The following AMN variants were observed in gnomAD, a reference collection of about 807,000 sequenced individuals.
AMN encodes the protein protein amnionless.
In AMN, 40 loss-of-function variants were observed where a neutral mutation model predicts 49.1. The ratio of observed to expected loss-of-function variants is 0.81; its 90% CI spans 0.63 to 1.06. The LOEUF (loss-of-function observed/expected upper bound fraction) is 1.06, where lower values mean the gene tolerates loss of function less well. Among genes scored for constraint, AMN ranks in the 50% least tolerant of loss-of-function variants. The probability of loss-of-function intolerance (pLI) is 0.00; values close to 1 mark genes in which losing one functional copy is unlikely to be tolerated. For synonymous variants in AMN, 380 were observed against 313.3 expected (o/e 1.21, Z -2.25); for missense variants, 701 against 662.8 (o/e 1.06, Z -0.63).
rs533245959 is a variant in AMN, at chr14:102,923,594, T to C, written c.44-117T>C. On this transcript the variant is annotated intron_variant, in intron 1 of 11. Coordinates refer to ENST00000299155, the MANE Select transcript of AMN (RefSeq NM_030943.4). Reference sequence around the variant, plus strand: ...TGGGTCCGGGCCCCCGGGGATGGGGTTCCTATGCGTCCCGGGTGATCCGCG... The same window carrying C: ...TGGGTCCGGGCCCCCGGGGATGGGGCTCCTATGCGTCCCGGGTGATCCGCG... 16 of 962,726 alleles carry C rather than the reference T, an allele frequency of 1.7e-5. No individual in the cohort carries two copies. In the African/African-American group the frequency reaches 2.1e-4, roughly 13 times the overall value. The allele number at this position is 962,726 out of a possible 1,614,324, so 59.6% of individuals were successfully genotyped here.
At chr14:102,924,047 G>T in intron 3 of AMN, 68 bp downstream of exon 3, 1 of 1,603,020 alleles carries the variant, frequency 6.2e-7, no homozygotes, top group South Asian at 1.1e-5. Context: ...TTCAGGGACT[G>T]CTGTGCCTTG....
At chr14:102,925,043 G>A (rs940804178) in intron 3 of AMN, among the ~76,000 whole-genome samples, 9 of 152,022 alleles carry the variant, frequency 5.9e-5, no homozygotes, top group Non-Finnish European at 1.0e-4. Context: ...CCATTGCATC[G>A]GCAGCCCACC....
intron 1 of AMN, chr14:102,922,956 G>A (rs1265032282): frequency 2.7e-5 from 16 of 599,662 alleles, no homozygotes; most frequent in Non-Finnish European, 4.1e-5. Flanking sequence ...GAGAGGAGGG[G>A]CTCCGGGAAC....
chr14:102,930,481 C>A lies in AMN; in HGVS notation c.1245C>A (p.Ala415=), dbSNP rs1370684415. The change falls in exon 11 of 12, where the codon GCC becomes GCA. Residue 415 remains alanine (A), a synonymous_variant. Transcript: ENST00000299155. The part of the protein sequence containing the change: ...GFRNPVFDVT[A]SEELPLPRRL... ...GCAACCCGGTGTTCGACGTGACGGC[C>A]TCCGAGGAGCTGGTGAGGGGGCTGG... 6.5e-7 allele frequency: 1 copy of A among 1,534,170 alleles called. No individual in the cohort carries two copies. The highest frequency in any genetic ancestry group is 8.8e-7 in the Non-Finnish European group (1 of 1,142,678).
intron 8 of AMN, 90 bp from the exon 9 acceptor site, chr14:102,929,834 C>G: frequency 6.5e-7 from 1 of 1,543,282 alleles, no homozygotes; most frequent in South Asian, 1.2e-5. Context: ...CGGCTGCTCA[C>G]TTGCCCACTA....
At position 102,930,031 on chromosome 14, in the gene AMN, G is replaced by C; in HGVS notation, c.951G>C (p.Glu317Asp). Residue 317 changes from glutamate (E) to aspartate (D), a missense_variant, in exon 9 of 12, where the codon GAG (glutamate) becomes GAC (aspartate). Physicochemically the swap from Glu to Asp is conservative, Grantham distance 45. Transcript: ENST00000299155. ...IQVVLVENGP[E>D]TGGAGRLARA... ...TGGTGCTGGTGGAGAATGGGCCCGA[G>C]ACAGGCGGAGCGGGGCGGCTGGCCC... is the stretch of plus-strand genomic sequence containing the variant. 1 of 1,552,578 alleles carries C rather than the reference G, an allele frequency of 6.4e-7. No homozygotes were observed. The highest frequency in any genetic ancestry group is 1.2e-5 in the South Asian group (1 of 84,128).
intron 3 of AMN, among the ~76,000 whole-genome samples, chr14:102,924,681 A>G (rs563649249): frequency 6.2e-4 from 95 of 152,342 alleles, no homozygotes; most frequent in Middle Eastern, 3.4e-3. Flanking sequence ...ACAACACTCC[A>G]AGAACATGAT....
Position 102,928,859 on chromosome 14 carries a change from G to A in AMN, c.397G>A (p.Glu133Lys), listed in dbSNP as rs1372015113. 5 of 1,604,734 alleles carry A rather than the reference G, an allele frequency of 3.1e-6. No individual in the cohort carries two copies. The highest frequency in any genetic ancestry group is 4.2e-6 in the Non-Finnish European group (5 of 1,179,790). The stretch of plus-strand genomic sequence containing the variant: ...ACCTGGCCTCTTCTTCGTGGACGCC[G>A]AGCGCGTGCCCTGCCGCCACGACGA... The part of the protein sequence containing the change: ...EAPGLFFVDA[E>K]RVPCRHDDVF... The change falls in exon 5 of 12, where the codon GAG becomes AAG. Residue 133 changes from glutamate (E) to lysine (K), a missense_variant. Physicochemically the swap from Glu to Lys is moderately conservative, Grantham distance 56. Coordinates refer to ENST00000299155, the MANE Select transcript of AMN (RefSeq NM_030943.4).
chr14:102,928,590 G>C (rs1020598607), intron 4 of AMN, 77 bp downstream of exon 4: 4 of 1,527,170 alleles, frequency 2.6e-6, no homozygotes, highest in South Asian at 1.2e-5. Context: ...CGCGTCGAGG[G>C]GGGCGAGGAC....
At position 102,930,073 on chromosome 14, in the gene AMN, C is replaced by A. The variant is rs1409855817; in HGVS notation, c.993C>A (p.Asp331Glu). 1.3e-6 allele frequency: 2 copies of A among 1,541,946 alleles called. No individual in the cohort carries two copies. The highest frequency in any genetic ancestry group is 2.0e-5 in the Admixed American group (1 of 50,800). The change falls in exon 9 of 12, where the codon GAC becomes GAA. Residue 331 changes from aspartate (D) to glutamate (E), a missense_variant. By Grantham distance (45) the Asp-to-Glu change is conservative. Transcript: ENST00000299155. Reference protein sequence around the residue: ...AGRLARALLADVAENGEALGV... With the variant: ...AGRLARALLAEVAENGEALGV... ...GGCTGGCCCGGGCCCTCCTGGCGGA[C>A]GTCGCCGAGAACGGTAACCGCGCCC... is the stretch of plus-strand genomic sequence containing the variant.
chr14:102,923,869 C>T, intron 2 of AMN, 40 bp downstream of exon 2: 1 of 1,612,706 alleles, frequency 6.2e-7, no homozygotes, highest in Non-Finnish European at 8.5e-7. Flanking sequence ...TGGGCCTGGA[C>T]CCCTGAGACC....
chr14:102,929,506 C>A lies in AMN; in HGVS notation c.730C>A (p.Arg244=). The A allele has an allele frequency of 6.5e-7, 1 of 1,534,150 alleles. No individual in the cohort carries two copies. The highest frequency in any genetic ancestry group is 8.7e-7 in the Non-Finnish European group (1 of 1,145,666). ...CCAGGCCGCCTGCCACAGCGCCCTCCGGCCCCAGGGGCAGTGCTGTGACCT... is the reference window on the plus strand; with the variant it reads ...CCAGGCCGCCTGCCACAGCGCCCTCAGGCCCCAGGGGCAGTGCTGTGACCT... The part of the protein sequence containing the change: ...CPQAACHSAL[R]PQGQCCDLCG... Residue 244 remains arginine, a synonymous_variant, in exon 7 of 12, where the codon CGG becomes AGG. Transcript: ENST00000299155.
At position 102,930,478 on chromosome 14, in the gene AMN, G is replaced by C. The variant is rs1355207933; in HGVS notation, c.1242G>C (p.Thr414=). Residue 414 remains threonine, a synonymous_variant, in exon 11 of 12, where the codon ACG becomes ACC. Transcript: ENST00000299155. ...TCCGCAACCCGGTGTTCGACGTGAC[G>C]GCCTCCGAGGAGCTGGTGAGGGGGC... The part of the protein sequence containing the change: ...LGFRNPVFDV[T]ASEELPLPRR... 1.3e-6 allele frequency: 2 copies of C among 1,532,606 alleles called. No individual in the cohort carries two copies. The highest frequency in any genetic ancestry group is 1.8e-6 in the Non-Finnish European group (2 of 1,142,194). 94.9% of individuals were successfully genotyped at this position (1,532,606 alleles called of 1,614,324 possible). A position where few individuals can be genotyped will look rare whatever the true frequency, so the allele number is the denominator to read the frequency against.
At chr14:102,924,709 C>T (rs562037674) in intron 3 of AMN, among the ~76,000 whole-genome samples, 2 of 152,296 alleles carry the variant, frequency 1.3e-5, no homozygotes, top group East Asian at 1.9e-4. Context: ...GGGAGGAAAG[C>T]GGGTTCCATG....
rs749472402 is a variant in AMN at position 102,928,898 on chromosome 14, C to T, written c.436C>T (p.Pro146Ser). The T allele has an allele frequency of 6.9e-6, 11 of 1,603,132 alleles. No individual in the cohort carries two copies. The highest frequency in any genetic ancestry group is 3.3e-5 in the Admixed American group (2 of 59,976). ...CCGCCACGACGACGTCTTCTTTCCG[C>T]CTAGTGCCTCCTTCCGCGTGGGGCT... is the stretch of plus-strand genomic sequence containing the variant. ...PCRHDDVFFPPSASFRVGLGP... is the reference protein window; with the variant it reads ...PCRHDDVFFPSSASFRVGLGP... The change falls in exon 5 of 12, where the codon CCT (proline) becomes TCT (serine). Residue 146 changes from proline to serine, a missense_variant. Coordinates refer to ENST00000299155, the MANE Select transcript of AMN (RefSeq NM_030943.4).
intron 1 of AMN, chr14:102,923,102 C>T: frequency 3.5e-6 from 1 of 283,862 alleles, no homozygotes; most frequent in Non-Finnish European, 6.8e-6. Context: ...GCTTCCCGGT[C>T]CCCAAGGGAG....
In AMN at chr14:102,930,754, C is replaced by T. The variant is rs1197847824; in HGVS notation, c.*74C>T. On this transcript the variant is annotated 3_prime_UTR_variant, in exon 12 of 12. Transcript: ENST00000299155. ...AGTCGAACTGGGGGCTAGCCACCTC[C>T]TCGTCCAGCCCCCAAACCTCCCCTT... is the stretch of plus-strand genomic sequence containing the variant. The T allele has an allele frequency of 1.3e-5, 19 of 1,455,436 alleles. No individual in the cohort carries two copies. The highest frequency in any genetic ancestry group is 1.6e-5 in the Non-Finnish European group (17 of 1,069,692). 90.2% of individuals were successfully genotyped at this position (1,455,436 alleles called of 1,614,324 possible).
chr14:102,925,245 G>A (rs572478465), intron 3 of AMN, among the ~76,000 whole-genome samples: 1 of 152,368 alleles, frequency 6.6e-6, no homozygotes, highest in African/African-American at 2.4e-5. Flanking sequence ...TCCAGGCCTG[G>A]GGCCCCCGCG....
At chr14:102,923,285 C>T (rs1891103512) in intron 1 of AMN, 2 of 297,120 alleles carry the variant, frequency 6.7e-6, no homozygotes, top group South Asian at 3.4e-5. Flanking sequence ...TGCGCTCTGT[C>T]GCAGCTCTTC....
Sources: gnomAD v4.1 joint callset for allele counts (sites outside exome capture counted in the v4.1 genomes callset) on GRCh38, gnomAD v4.1.1 for gene constraint, MANE v1.5 for transcripts, NCBI Gene and HGNC (gene_info 2026-07-23, HGNC 2026-07-21) for gene names.